HMCN2: variants seen among roughly 807,000 people sequenced by gnomAD.
HMCN2 encodes the protein hemicentin 2.
In HMCN2, 325 loss-of-function variants were observed where a neutral mutation model predicts 377.5. That is an observed-to-expected ratio of 0.86 (90% CI 0.79 to 0.94). The LOEUF is 0.94. Among genes scored for constraint, HMCN2 ranks in the 40% least tolerant of loss-of-function variants. The probability of loss-of-function intolerance (pLI) is 0.00; values close to 1 mark genes in which losing one functional copy is unlikely to be tolerated. For synonymous variants in HMCN2, 2,007 were observed against 2,046.8 expected (o/e 0.98, Z 0.53); for missense variants, 4,543 against 4,725.3 (o/e 0.96, Z 1.13).
At chr9:130,376,064 C>A in intron 51 of HMCN2, 75 bp downstream of exon 51, 2 of 528,046 alleles carry the variant, frequency 3.8e-6, no homozygotes, top group Non-Finnish European at 4.9e-6. Flanking sequence ...GGCACCTGAG[C>A]CACCCTTGGT....
chr9:130,316,009 A>G (rs1837543438), intron 15 of HMCN2, among the ~76,000 whole-genome samples: 1 of 152,172 alleles, frequency 6.6e-6, no homozygotes, highest in Non-Finnish European at 1.5e-5. Context: ...TTCAGCCCGT[A>G]GCAGACAGGG....
intron 21 of HMCN2, among the ~76,000 whole-genome samples, chr9:130,326,220 C>T (rs2131418548): frequency 6.6e-6 from 1 of 152,248 alleles, no homozygotes; most frequent in East Asian, 1.9e-4. Context: ...ACATGTAGTT[C>T]CTTCTGCTTG....
At chr9:130,429,734 G>T (rs1400272716) in intron 94 of HMCN2, 49 bp downstream of exon 94, 3 of 1,298,104 alleles carry the variant, frequency 2.3e-6, no homozygotes, top group Admixed American at 5.6e-5. Flanking sequence ...TGCCCCAGGG[G>T]TTACCGGATG....
intron 91 of HMCN2, 22 bp from the exon 92 acceptor site, chr9:130,427,475 A>C (rs1588446895): frequency 6.5e-7 from 1 of 1,550,130 alleles, no homozygotes; most frequent in South Asian, 1.2e-5. Context: ...AGCGGAGACC[A>C]CCAGACCCCT....
In HMCN2 at chr9:130,304,708, T is replaced by G. The variant is rs1836739535; in HGVS notation, c.1544-22T>G. 2.2e-6 allele frequency: 1 copy of G among 452,066 alleles called. No homozygotes were observed. Among genetic ancestry groups the G allele is most frequent in the African/African-American group, 2.0e-5 (1 of 49,860 alleles). The allele number at this position is 452,066 out of a possible 1,614,324, so 28.0% of individuals were successfully genotyped here. On this transcript the variant is annotated intron_variant, in intron 10 of 97. Coordinates refer to ENST00000683500, the MANE Select transcript of HMCN2 (RefSeq NM_001291815.2). This position sits in a 1 kb window ranked among gnomAD's most constrained non-coding sequence, Gnocchi z 4.3. ...TCCCTTGCCTCAGCTCCTTGGTTCC[T>G]CCTGTGCTCATGTCCCTGCAGACCC...
In HMCN2 at chr9:130,406,004, G is replaced by C; in HGVS notation, c.12389G>C (p.Arg4130Pro). The change falls in exon 82 of 98, where the codon CGG becomes CCG. Residue 4130 changes from arginine (R) to proline (P), a missense_variant. Transcript: ENST00000683500. ...YTCTAENAVG[R>P]ARRRVHLTIL... ...TGTACCGCTGAGAACGCCGTGGGCC[G>C]GGCCCGCCGCCGCGTGCACCTCACC... 2 of 1,289,708 alleles carry C rather than the reference G, an allele frequency of 1.6e-6. No homozygotes were observed. The highest frequency in any genetic ancestry group is 2.0e-6 in the Non-Finnish European group (2 of 988,830). 79.9% of individuals were successfully genotyped at this position (1,289,708 alleles called of 1,614,324 possible).
At position 130,394,623 on chromosome 9, in the gene HMCN2, G is replaced by A. The variant is rs980109031; in HGVS notation, c.10692+48G>A. 1.6e-6 allele frequency: 2 copies of A among 1,230,198 alleles called. No homozygotes were observed. Among genetic ancestry groups the A allele is most frequent in the African/African-American group, 3.1e-5 (2 of 64,478 alleles). The allele number at this position is 1,230,198 out of a possible 1,614,324, so 76.2% of individuals were successfully genotyped here. ...GCGAGGCTGGGGGTTGGGGGAGAGGGGAGGGACTGCAGGTTCCCCAGACCC... is the reference window on the plus strand; with the variant it reads ...GCGAGGCTGGGGGTTGGGGGAGAGGAGAGGGACTGCAGGTTCCCCAGACCC... On this transcript the variant is annotated intron_variant, in intron 69 of 97. Coordinates refer to ENST00000683500, the MANE Select transcript of HMCN2 (RefSeq NM_001291815.2). This position sits in a 1 kb window ranked among gnomAD's most constrained non-coding sequence, Gnocchi z 5.1.
rs1554918888 is a variant in HMCN2, at chr9:130,266,135, C to T, written c.257C>T (p.Pro86Leu). The T allele has an allele frequency of 4.3e-6, 2 of 464,796 alleles. No homozygotes were observed. Among genetic ancestry groups the T allele is most frequent in the Non-Finnish European group, 8.8e-6 (2 of 226,418 alleles). The allele number at this position is 464,796 out of a possible 1,614,324, so 28.8% of individuals were successfully genotyped here. The change falls in exon 1 of 98, where the codon CCA becomes CTA. Residue 86 changes from proline (P) to leucine (L), a missense_variant and splice_region_variant. Around this residue, in one of 5 missense-constraint regions of HMCN2, gnomAD observed 547 missense variants for 189.9 expected, o/e 2.88. Transcript: ENST00000683500. ...ANYALVPFHD[P>L]DIGPVTLTAD... The stretch of plus-strand genomic sequence containing the variant: ...TACGCGCTGGTGCCCTTCCACGACC[C>T]AGGTAGCGCCCCCGCACCCCCGCCC...
chr9:130,425,225 C>T, intron 89 of HMCN2, 95 bp downstream of exon 89: 1 of 1,356,546 alleles, frequency 7.4e-7, no homozygotes, highest in Non-Finnish European at 9.8e-7. Flanking sequence ...GGCCCACTCT[C>T]CCTTCTGACA....
In HMCN2 at chr9:130,418,999, C is replaced by T; in HGVS notation, c.13189C>T (p.Leu4397Phe). The T allele has an allele frequency of 2.0e-6, 3 of 1,499,152 alleles. No individual in the cohort carries two copies. 92.9% of individuals were successfully genotyped at this position (1,499,152 alleles called of 1,614,324 possible). The part of the protein sequence containing the change: ...AGTYDCVAHN[L>F]LGSATARAFL... ...CACCTACGACTGCGTCGCTCACAAC[C>T]TCCTGGGCTCTGCCACAGCCCGGGC... The change falls in exon 86 of 98, where the codon CTC becomes TTC. Residue 4397 changes from leucine to phenylalanine, a missense_variant. Physicochemically the swap from Leu to Phe is conservative, Grantham distance 22. Coordinates refer to ENST00000683500, the MANE Select transcript of HMCN2 (RefSeq NM_001291815.2).
At chr9:130,290,336 T>C (rs1554929588) in intron 4 of HMCN2, among the ~76,000 whole-genome samples, 1 of 152,224 alleles carries the variant, frequency 6.6e-6, no homozygotes, top group Non-Finnish European at 1.5e-5. Context: ...ACTGGCTTTC[T>C]GCCTCGTGTC....
rs191128507 is a variant in HMCN2 at position 130,429,954 on chromosome 9, G to T, written c.14326+269G>T. The T allele has an allele frequency of 1.4e-5, 9 of 630,074 alleles. No individual in the cohort carries two copies. The African/African-American group carries it at 1.7e-4, about 12-fold the overall frequency. 39.0% of individuals were successfully genotyped at this position (630,074 alleles called of 1,614,324 possible). On this transcript the variant is annotated intron_variant, in intron 94 of 97. Coordinates refer to ENST00000683500, the MANE Select transcript of HMCN2 (RefSeq NM_001291815.2). Reference sequence around the variant, plus strand: ...GGTCATCTTCCGGGGAATTTCAGGAGGGGGAGGACTGTGGAGGCAAGTGGG... The same window carrying T: ...GGTCATCTTCCGGGGAATTTCAGGATGGGGAGGACTGTGGAGGCAAGTGGG...
At chr9:130,432,299 C>G (rs1214893490) in intron 96 of HMCN2, 130 bp from the exon 97 acceptor site, 8 of 820,518 alleles carry the variant, frequency 9.7e-6, no homozygotes, top group South Asian at 1.6e-5. Flanking sequence ...GTCAGACTGG[C>G]TGGGGACAAA....
In HMCN2 at chr9:130,403,636, C is replaced by T. The variant is rs1024509052; in HGVS notation, c.12014-105C>T. The T allele has an allele frequency of 2.7e-5, 31 of 1,148,740 alleles. No individual in the cohort carries two copies. In the South Asian group the frequency reaches 3.5e-4, roughly 13 times the overall value. The allele number at this position is 1,148,740 out of a possible 1,614,324, so 71.2% of individuals were successfully genotyped here. On this transcript the variant is annotated intron_variant, in intron 79 of 97. Coordinates refer to ENST00000683500, the MANE Select transcript of HMCN2 (RefSeq NM_001291815.2). The stretch of plus-strand genomic sequence containing the variant: ...TCTGTCCCTTGGTCATTCTGTGACC[C>T]CAGCAAGTCATTTGCTGCCTGTGAG...
In HMCN2 at chr9:130,393,368, C is replaced by G. The variant is rs1842432499; in HGVS notation, c.10234+59C>G. 1.0e-6 allele frequency: 1 copy of G among 965,618 alleles called. No individual in the cohort carries two copies. Among genetic ancestry groups the G allele is most frequent in the African/African-American group, 1.8e-5 (1 of 56,800 alleles). 59.8% of individuals were successfully genotyped at this position (965,618 alleles called of 1,614,324 possible). ...GGCCTTGGTGGGTGAGAATCAAGGC[C>G]CTTGGCCCCCCTGCCCTTCTGGGTG... is the stretch of plus-strand genomic sequence containing the variant. On this transcript the variant is annotated intron_variant, in intron 67 of 97. Transcript: ENST00000683500. The surrounding 1 kb of genome is among the most constrained non-coding windows in gnomAD (Gnocchi z 5.2).
Position 130,422,926 on chromosome 9 carries a change from C to A in HMCN2, c.13381+200C>A, listed in dbSNP as rs1844104386. The stretch of plus-strand genomic sequence containing the variant: ...CTCAGATGCAGGCAACTTCCTGTCC[C>A]CCTCACAACCTCCCAAAAACAAAGG... On this transcript the variant is annotated intron_variant, in intron 87 of 97. Transcript: ENST00000683500. This position sits in a 1 kb window ranked among gnomAD's most constrained non-coding sequence, Gnocchi z 4.2. Among the ~76,000 whole-genome samples the A allele has an allele frequency of 1.3e-5, 2 of 152,160 alleles. No homozygotes were observed. The highest frequency in any genetic ancestry group is 4.1e-4 in the South Asian group (2 of 4,822).
In HMCN2 at chr9:130,360,280, G is replaced by C. The variant is rs1192016441; in HGVS notation, c.5774-148G>C. The C allele has an allele frequency of 2.1e-6, 1 of 485,496 alleles. No homozygotes were observed. Among genetic ancestry groups the C allele is most frequent in the African/African-American group, 2.0e-5 (1 of 49,318 alleles). The allele number at this position is 485,496 out of a possible 1,614,324, so 30.1% of individuals were successfully genotyped here. On this transcript the variant is annotated intron_variant, in intron 37 of 97. Transcript: ENST00000683500. This position sits in a 1 kb window ranked among gnomAD's most constrained non-coding sequence, Gnocchi z 4.7. Reference sequence around the variant, plus strand: ...CACACCAGCAGAGTCTGACGGGCTGGCAGCACCCTTGCTTCTCTCTTCCAT... The same window carrying C: ...CACACCAGCAGAGTCTGACGGGCTGCCAGCACCCTTGCTTCTCTCTTCCAT...
rs1392327209 is a variant in HMCN2 at position 130,317,798 on chromosome 9, C to CA, written c.2351-1689dup. Among the ~76,000 whole-genome samples the CA allele has an allele frequency of 5.5e-4, 16 of 29,206 alleles. No homozygotes were observed. The East Asian group carries it at 0.013, about 23-fold the overall frequency. 19.2% of individuals were successfully genotyped at this position (29,206 alleles called of 152,430 possible). A position where few individuals can be genotyped will look rare whatever the true frequency, so the allele number is the denominator to read the frequency against. ...GAGACTCTGTCTCAAAACAAACAAA[C>CA]AAAAAAAACACAAACAAACCAGAGT... On this transcript the variant is annotated intron_variant, in intron 15 of 97. Transcript: ENST00000683500.
intron 25 of HMCN2, among the ~76,000 whole-genome samples, chr9:130,345,326 CTG>C (rs1491396135): frequency 1.4e-4 from 15 of 107,850 alleles, no homozygotes; most frequent in Non-Finnish European, 2.3e-4. Context: ...GATATGTATG[CTG>C]TGTGTGTGTA....
Sources: allele counts gnomAD v4.1 joint callset (sites outside exome capture counted in the v4.1 genomes callset), GRCh38; gene constraint gnomAD v4.1.1; regional missense constraint gnomAD v4.1.1; non-coding constraint Gnocchi (gnomAD v3.1); transcripts MANE v1.5; gene names NCBI Gene and HGNC (gene_info 2026-07-23, HGNC 2026-07-21).